Variants in ATP7B observed in about 807,000 individuals in gnomAD.
The protein encoded by ATP7B is copper-transporting ATPase 2.
ATP7B carries 113 observed loss-of-function variants against 118.9 expected under a neutral mutation model. The ratio of observed to expected loss-of-function variants is 0.95; its 90% CI spans 0.82 to 1.11. ATP7B has a LOEUF of 1.11. Ranked by LOEUF, ATP7B falls within the 50% of genes most tolerant of loss-of-function variation. The pLI is 0.00. For synonymous variants in ATP7B, 777 were observed against 727.4 expected (o/e 1.07, Z -1.10); for missense variants, 1,867 against 1,871.4 (o/e 1.00, Z 0.04).
At chr13:51,963,270 GA>G (rs1958869137) in intron 5 of ATP7B, among the ~76,000 whole-genome samples, 2 of 152,168 alleles carry the variant, frequency 1.3e-5, no homozygotes, top group South Asian at 4.1e-4. Context: ...ACTGAGCTCG[GA>G]AGCACAAGAC....
intron 1 of ATP7B, among the ~76,000 whole-genome samples, chr13:51,985,082 G>A (rs529176282): frequency 1.3e-5 from 2 of 152,236 alleles, no homozygotes; most frequent in South Asian, 2.1e-4. Flanking sequence ...AACCTTAAAC[G>A]TAAACAGGCT....
In ATP7B at chr13:51,941,238, G is replaced by T; in HGVS notation, c.3413-14C>A. Reference sequence around the variant, plus strand: ...GGGGGACTGCATCTATTCAAAAGAGGCTGTGGTTATTTCTAAATGGTCCAA... The same window carrying T: ...GGGGGACTGCATCTATTCAAAAGAGTCTGTGGTTATTTCTAAATGGTCCAA... On this transcript the variant is annotated splice_polypyrimidine_tract_variant and intron_variant, in intron 15 of 20. Coordinates refer to ENST00000242839, the MANE Select transcript of ATP7B (RefSeq NM_000053.4). 1.2e-6 allele frequency: 2 copies of T among 1,613,988 alleles called. No individual in the cohort carries two copies. The highest frequency in any genetic ancestry group is 1.1e-5 in the South Asian group (1 of 91,076).
Position 51,941,095 on chromosome 13 carries a change from A to G in ATP7B, c.3542T>C (p.Leu1181Pro). The change falls in exon 16 of 21, where the codon CTG becomes CCG. Residue 1181 changes from leucine (L) to proline (P), a missense_variant. Transcript: ENST00000242839. The stretch of plus-strand genomic sequence containing the variant: ...GCAGAAGATACCGTCAATAGCCACC[A>G]GGATGGCTGTCTGTCCTTTCATCTC... ...DHEMKGQTAI[L>P]VAIDGVLCGM... The G allele has an allele frequency of 6.2e-7, 1 of 1,614,254 alleles. No individual in the cohort carries two copies. The highest frequency in any genetic ancestry group is 1.1e-5 in the South Asian group (1 of 91,092).
At chr13:51,938,386 G>A (rs1957104466) in intron 17 of ATP7B, among the ~76,000 whole-genome samples, 1 of 152,232 alleles carries the variant, frequency 6.6e-6, no homozygotes, top group Admixed American at 6.5e-5. Flanking sequence ...TGCTTCGTAA[G>A]TGCCTGCTGA....
At position 51,944,089 on chromosome 13, in the gene ATP7B, C is replaced by T; in HGVS notation, c.3243+20G>A. 1 of 1,613,732 alleles carries T rather than the reference C, an allele frequency of 6.2e-7. No individual in the cohort carries two copies. On this transcript the variant is annotated intron_variant, in intron 14 of 20. Transcript: ENST00000242839. ...AAGAGCATTGGCGGGGAGGGCAGGG[C>T]CACGCCCAAGTCCACGTACCTCTTT...
chr13:51,974,889 G>A lies in ATP7B; in HGVS notation c.331C>T (p.Gln111Ter), dbSNP rs774221179. Residue 111 changes from glutamine (Q) to a stop codon, truncating the protein, a stop_gained, in exon 2 of 21, where the codon CAG becomes TAG. Coordinates refer to ENST00000242839, the MANE Select transcript of ATP7B (RefSeq NM_000053.4). LOFTEE classifies it high-confidence loss of function. Reference sequence around the variant, plus strand: ...ATGTCCCCAATTTGATGGCAAACCTGTTGCAGGCACACAACCGATGGCACA... The same window carrying A: ...ATGTCCCCAATTTGATGGCAAACCTATTGCAGGCACACAACCGATGGCACA... ...KYVPSVVCLQQVCHQIGDMGF... is the reference protein window; with the variant it reads ...KYVPSVVCLQ The A allele has an allele frequency of 1.2e-5, 20 of 1,614,114 alleles. No individual in the cohort carries two copies. The highest frequency in any genetic ancestry group is 1.7e-5 in the Admixed American group (1 of 60,004).
chr13:51,950,371 G>A lies in ATP7B; in HGVS notation c.2476C>T (p.Gln826Ter). 1 of 1,614,140 alleles carries A rather than the reference G, an allele frequency of 6.2e-7. No individual in the cohort carries two copies. Among genetic ancestry groups the A allele is most frequent in the African/African-American group, 1.3e-5 (1 of 75,060 alleles). The change falls in exon 10 of 21, where the codon CAG becomes TAG. Residue 826 changes from glutamine (Q) to a stop codon, truncating the protein, a stop_gained. Transcript: ENST00000242839. LOFTEE classifies it high-confidence loss of function. Reference protein sequence around the residue: ...REEQVPMELVQRGDIVKVVPG... With the variant: ...REEQVPMELV ...ACCACCTTGACGATATCGCCCCGCT[G>A]CACCAGCTCCATGGGGACTTGCTCC... is the stretch of plus-strand genomic sequence containing the variant.
chr13:51,964,461 C>T (rs1958958619), intron 5 of ATP7B, among the ~76,000 whole-genome samples: 1 of 152,172 alleles, frequency 6.6e-6, no homozygotes, highest in Admixed American at 6.5e-5. Flanking sequence ...ACAAGAGTGG[C>T]CTGGCATAGT....
intron 19 of ATP7B, among the ~76,000 whole-genome samples, chr13:51,936,723 C>T (rs1285173242): frequency 6.6e-6 from 1 of 152,076 alleles, no homozygotes; most frequent in African/African-American, 2.4e-5. Flanking sequence ...GATGGAGTCT[C>T]ACCATGTTGC....
At chr13:51,958,718 C>G in intron 7 of ATP7B, 174 bp from the exon 8 acceptor site, 1 of 664,744 alleles carries the variant, frequency 1.5e-6, no homozygotes, top group South Asian at 1.7e-5. Context: ...CAGAGGACTA[C>G]TGTCCACAGG....
chr13:51,940,517 G>A (rs1957270357), intron 16 of ATP7B, among the ~76,000 whole-genome samples: 3 of 151,576 alleles, frequency 2.0e-5, no homozygotes, highest in Non-Finnish European at 1.5e-5. Context: ...TGGTGGCGGG[G>A]GCCTGTAATC....
Position 51,975,164 on chromosome 13 carries a change from A to G in ATP7B, c.56T>C (p.Leu19Ser). 1 of 1,614,158 alleles carries G rather than the reference A, an allele frequency of 6.2e-7. No individual in the cohort carries two copies. The highest frequency in any genetic ancestry group is 8.5e-7 in the Non-Finnish European group (1 of 1,179,960). The change falls in exon 2 of 21, where the codon TTA becomes TCA. Residue 19 changes from leucine (L) to serine (S), a missense_variant. Coordinates refer to ENST00000242839, the MANE Select transcript of ATP7B (RefSeq NM_000053.4). ...TAREGASRKILSKLSLPTRAW... is the reference protein window; with the variant it reads ...TAREGASRKISSKLSLPTRAW... ...ACGGGTAGGCAAAGAAAGCTTAGAT[A>G]AGATCTAAAAAGAAAAGAAATAACA...
intron 2 of ATP7B, among the ~76,000 whole-genome samples, chr13:51,973,309 G>A (rs923153332): frequency 1.3e-5 from 2 of 152,180 alleles, no homozygotes; most frequent in Non-Finnish European, 2.9e-5. Context: ...CAAATCCAAG[G>A]AGGTTCGCAT....
intron 14 of ATP7B, among the ~76,000 whole-genome samples, chr13:51,943,029 G>C (rs536338863): frequency 6.6e-6 from 1 of 152,302 alleles, no homozygotes; most frequent in South Asian, 2.1e-4. Flanking sequence ...CTGTATATCA[G>C]ACCCTGGAGG....
Position 51,939,174 on chromosome 13 carries a change from G to C in ATP7B, c.3576C>G (p.Ile1192Met). The C allele has an allele frequency of 1.9e-6, 3 of 1,613,716 alleles. No individual in the cohort carries two copies. Among genetic ancestry groups the C allele is most frequent in the South Asian group, 1.1e-5 (1 of 91,082 alleles). The stretch of plus-strand genomic sequence containing the variant: ...CCTGCTTGACAGCGTCTGCGATTGC[G>C]ATCATCCCACAGAGCACACCTGGAG... Reference protein sequence around the residue: ...VAIDGVLCGMIAIADAVKQEA... With the variant: ...VAIDGVLCGMMAIADAVKQEA... The change falls in exon 17 of 21, where the codon ATC (isoleucine) becomes ATG (methionine). Residue 1192 changes from isoleucine to methionine, a missense_variant. By Grantham distance (10) the Ile-to-Met change is conservative (BLOSUM62 1). Coordinates refer to ENST00000242839, the MANE Select transcript of ATP7B (RefSeq NM_000053.4).
In ATP7B at chr13:51,968,477, G is replaced by A. The variant is rs2139887509; in HGVS notation, c.1674C>T (p.Asp558=). ...DLGFEAAVME[D]YAGSDGNIEL... ...CAATGTTGCCATCGGAGCCTGCGTAGTCCTCCATGACTGCTGCCTCAAAAC... is the reference window on the plus strand; with the variant it reads ...CAATGTTGCCATCGGAGCCTGCGTAATCCTCCATGACTGCTGCCTCAAAAC... The change falls in exon 4 of 21, where the codon GAC becomes GAT. Residue 558 remains aspartate (D), a synonymous_variant. Coordinates refer to ENST00000242839, the MANE Select transcript of ATP7B (RefSeq NM_000053.4). The A allele has an allele frequency of 6.2e-7, 1 of 1,614,172 alleles. No individual in the cohort carries two copies. Among genetic ancestry groups the A allele is most frequent in the Non-Finnish European group, 8.5e-7 (1 of 1,180,042 alleles).
In ATP7B at chr13:51,964,505, G is replaced by A. The variant is rs549393014; in HGVS notation, c.1869+367C>T. On this transcript the variant is annotated intron_variant, in intron 5 of 20. Transcript: ENST00000242839. ...GTGGATCATTTTTTCCAAGGCCAAC[G>A]TTCCTTTGCTCTACAGATACTTCGT... Among the ~76,000 whole-genome samples, 6 of 152,262 alleles carry A rather than the reference G, an allele frequency of 3.9e-5. No individual in the cohort carries two copies. The East Asian group carries it at 9.6e-4, about 24-fold the overall frequency.
chr13:51,935,526 G>A, intron 20 of ATP7B, 67 bp downstream of exon 20: 1 of 1,479,334 alleles, frequency 6.8e-7, no homozygotes, highest in Non-Finnish European at 9.3e-7. Context: ...GTTCCACTGT[G>A]CTAAGCATGC....
chr13:51,968,036 C>A lies in ATP7B; in HGVS notation c.1707+408G>T, dbSNP rs148091683. The stretch of plus-strand genomic sequence containing the variant: ...TTTTCTCTTAGAATGGCACTTTCTA[C>A]CACATGGACTTCCCTCTTCTGCCTT... On this transcript the variant is annotated intron_variant, in intron 4 of 20. Transcript: ENST00000242839. Among the ~76,000 whole-genome samples, 856 of 152,312 alleles carry A rather than the reference C, an allele frequency of 5.6e-3. 6 individuals are homozygous for A. The highest frequency in any genetic ancestry group is 0.02 in the African/African-American group (816 of 41,570).
Sources: gnomAD v4.1 joint callset for allele counts (sites outside exome capture counted in the v4.1 genomes callset) on GRCh38, gnomAD v4.1.1 for gene constraint, MANE v1.5 for transcripts, NCBI Gene and HGNC (gene_info 2026-07-23, HGNC 2026-07-21) for gene names.